MYRIP: variants seen among roughly 807,000 people sequenced by gnomAD.
The protein encoded by MYRIP is myosin VIIA and Rab interacting protein.
Under a neutral mutation model 98.0 loss-of-function variants are expected in MYRIP, and 49 were observed. That is an observed-to-expected ratio of 0.50 (90% CI 0.40 to 0.63). The LOEUF is 0.63. MYRIP is among the 30% of genes least tolerant of loss of function. MYRIP has a pLI of 0.00. For synonymous variants in MYRIP, 404 were observed against 409.5 expected (o/e 0.99, Z 0.16); for missense variants, 1,004 against 1,058.2 (o/e 0.95, Z 0.71).
At chr3:40,198,453 C>T (rs947975528) in intron 10 of MYRIP, among the ~76,000 whole-genome samples, 2 of 152,134 alleles carry the variant, frequency 1.3e-5, no homozygotes, top group Non-Finnish European at 2.9e-5. Flanking sequence ...CAGATGCACT[C>T]GTGAGCCTTA....
At chr3:40,098,740 T>G (rs903494640) in intron 3 of MYRIP, among the ~76,000 whole-genome samples, 2 of 135,188 alleles carry the variant, frequency 1.5e-5, no homozygotes, top group East Asian at 2.2e-4. Flanking sequence ...GTCTCTCTCA[T>G]TGTGTGTGTG....
intron 2 of MYRIP, among the ~76,000 whole-genome samples, chr3:39,917,132 G>A (rs1010336643): frequency 6.6e-6 from 1 of 151,932 alleles, no homozygotes; most frequent in Non-Finnish European, 1.5e-5. Context: ...TCCTGTTTTT[G>A]TCTTCACTTA....
At chr3:39,932,274 A>C (rs970456318) in intron 2 of MYRIP, among the ~76,000 whole-genome samples, 1 of 152,186 alleles carries the variant, frequency 6.6e-6, no homozygotes, top group Non-Finnish European at 1.5e-5. Context: ...CTAATGTTTA[A>C]AGCGACATCA....
chr3:39,813,013 C>T (rs551527808), intron 1 of MYRIP, among the ~76,000 whole-genome samples: 1 of 152,244 alleles, frequency 6.6e-6, no homozygotes. Flanking sequence ...GTTGCCTTTC[C>T]CTCAGCAAGA....
chr3:40,237,296 C>T (rs1392510869), intron 12 of MYRIP, among the ~76,000 whole-genome samples: 1 of 152,176 alleles, frequency 6.6e-6, no homozygotes. Flanking sequence ...ATCCATCTCC[C>T]ATTAGGCTGG....
chr3:40,162,887 G>GC, intron 5 of MYRIP, 77 bp downstream of exon 5: 5 of 1,366,452 alleles, frequency 3.7e-6, no homozygotes, highest in Non-Finnish European at 5.2e-6. Flanking sequence ...TACTGCCAGG[G>GC]TCCCCCAGAT....
At chr3:39,895,578 T>G (rs1575355360) in intron 1 of MYRIP, among the ~76,000 whole-genome samples, 1 of 152,186 alleles carries the variant, frequency 6.6e-6, no homozygotes, top group Non-Finnish European at 1.5e-5. Context: ...GTGTTACTTT[T>G]AGTTTATTTC....
At chr3:40,170,206 G>T in intron 8 of MYRIP, 113 bp downstream of exon 8, 2 of 1,364,036 alleles carry the variant, frequency 1.5e-6, no homozygotes, top group Non-Finnish European at 2.0e-6. Context: ...ATTTCAGAAG[G>T]ATGGGGAGCG....
intron 3 of MYRIP, among the ~76,000 whole-genome samples, chr3:40,150,134 G>C (rs577342300): frequency 3.3e-5 from 5 of 152,050 alleles, no homozygotes; most frequent in Admixed American, 3.3e-4. Flanking sequence ...CCAGGCTGGA[G>C]GGCAGTGGTG....
intron 1 of MYRIP, among the ~76,000 whole-genome samples, chr3:39,832,490 A>G (rs555906577): frequency 1.3e-5 from 2 of 152,200 alleles, no homozygotes; most frequent in South Asian, 2.1e-4. Context: ...AATATTTACC[A>G]TCAGATAAAT....
intron 2 of MYRIP, among the ~76,000 whole-genome samples, chr3:39,925,405 A>G (rs965215818): frequency 6.6e-6 from 1 of 151,888 alleles, no homozygotes; most frequent in Non-Finnish European, 1.5e-5. Flanking sequence ...TGTGATGCTG[A>G]GTTTGGGGTA....
chr3:40,173,666 C>T, intron 8 of MYRIP: 1 of 152,396 alleles, frequency 6.6e-6, no homozygotes, highest in Non-Finnish European at 1.5e-5. Context: ...TCCCGCCTGG[C>T]TCATCAGCTC....
At chr3:40,135,465 T>C (rs570796679) in intron 3 of MYRIP, among the ~76,000 whole-genome samples, 4 of 152,312 alleles carry the variant, frequency 2.6e-5, no homozygotes, top group African/African-American at 9.6e-5. Context: ...CTCTGCAGGA[T>C]ATTATCCAGG....
chr3:39,962,658 G>A (rs1344752075), intron 2 of MYRIP, among the ~76,000 whole-genome samples: 1 of 152,074 alleles, frequency 6.6e-6, no homozygotes, highest in Non-Finnish European at 1.5e-5. Context: ...CAAAGCATTA[G>A]CCCAGAGTGT....
intron 3 of MYRIP, among the ~76,000 whole-genome samples, chr3:40,081,350 C>T (rs1372153121): frequency 1.3e-5 from 2 of 152,186 alleles, no homozygotes; most frequent in Non-Finnish European, 1.5e-5. Flanking sequence ...TCTACCCTAA[C>T]AATAATTTGT....
intron 11 of MYRIP, among the ~76,000 whole-genome samples, chr3:40,224,011 C>T (rs561288290): frequency 6.6e-6 from 1 of 152,220 alleles, no homozygotes; most frequent in South Asian, 2.1e-4. Context: ...CAGAGGAACA[C>T]ATGCAAGTCC....
intron 7 of MYRIP, among the ~76,000 whole-genome samples, chr3:40,168,669 A>G (rs954078643): frequency 6.6e-6 from 1 of 152,258 alleles, no homozygotes; most frequent in Non-Finnish European, 1.5e-5. Flanking sequence ...AACTGAGGGC[A>G]CATCAGCTGC....
rs113689401 is a variant in MYRIP, at chr3:40,123,447, C to T, written c.333-27601C>T. 1.9e-3 allele frequency among the ~76,000 whole-genome samples: 288 copies of T among 152,314 alleles called. 3 individuals carry two copies. Among genetic ancestry groups the T allele is most frequent in the Middle Eastern group, 0.01 (3 of 294 alleles). ...GACTGTGGCTGGAGCAACTGGAGCC[C>T]GCCAGCCATCCTTCTCGTTCCCTGT... On this transcript the variant is annotated intron_variant, in intron 3 of 16. Transcript: ENST00000302541.
intron 2 of MYRIP, among the ~76,000 whole-genome samples, chr3:40,010,396 C>T (rs867106471): frequency 6.6e-6 from 1 of 152,252 alleles, no homozygotes; most frequent in Middle Eastern, 3.4e-3. Context: ...CCTGGCCACC[C>T]CAGATATTCT....
Sources: gnomAD v4.1 joint callset for allele counts (sites outside exome capture counted in the v4.1 genomes callset) on GRCh38, gnomAD v4.1.1 for gene constraint, MANE v1.5 for transcripts, NCBI Gene and HGNC (gene_info 2026-07-23, HGNC 2026-07-21) for gene names.